Variants in BRCA2 observed in about 807,000 individuals in gnomAD.
BRCA2 encodes BRCA2 DNA repair associated.
A neutral mutation model predicts 276.7 loss-of-function variants in BRCA2; 203 were observed. The ratio of observed to expected loss-of-function variants is 0.73; its 90% CI spans 0.65 to 0.82. The LOEUF (loss-of-function observed/expected upper bound fraction) is 0.82, where lower values mean the gene tolerates loss of function less well. Among genes scored for constraint, BRCA2 ranks in the 40% least tolerant of loss-of-function variants. BRCA2 has a pLI of 0.00. For missense variants in BRCA2, 3,920 were observed against 3,915.0 expected, an observed-to-expected ratio of 1.00 and a Z score of -0.03; for synonymous variants, 1,289 against 1,338.4, an observed-to-expected ratio of 0.96 and a Z score of 0.81.
Position 32,376,974 on chromosome 13 carries a change from A to C in BRCA2, c.8754+183A>C, listed in dbSNP as rs3764791. ...AGTGTGGTGGTATGTTTTCAACTAT[A>C]TACCGAGTAGAGGATGGGAGGGTTC... On this transcript the variant is annotated intron_variant, in intron 21 of 26. Transcript: ENST00000380152. 0.2 allele frequency among the ~76,000 whole-genome samples: 30,845 copies of C among 152,062 alleles called. 3,269 individuals carry two copies. The highest frequency in any genetic ancestry group is 0.39 in the East Asian group (2,026 of 5,152).
intron 24 of BRCA2, among the ~76,000 whole-genome samples, chr13:32,388,027 T>C (rs2072972722): frequency 6.6e-6 from 1 of 152,152 alleles, no homozygotes; most frequent in South Asian, 2.1e-4. Context: ...TTTATCTCTT[T>C]GTCTTGTGTC....
At chr13:32,347,243 C>A (rs1307769803) in intron 13 of BRCA2, among the ~76,000 whole-genome samples, 1 of 151,626 alleles carries the variant, frequency 6.6e-6, no homozygotes, top group Non-Finnish European at 1.5e-5. Flanking sequence ...TAAAAAAGTA[C>A]TAAGATAGTT....
intron 13 of BRCA2, among the ~76,000 whole-genome samples, chr13:32,347,512 G>A (rs1433248603): frequency 6.6e-6 from 1 of 152,182 alleles, no homozygotes; most frequent in Non-Finnish European, 1.5e-5. Context: ...CAAATAGGCG[G>A]TTATCCTTCT....
At chr13:32,357,508 G>A (rs2072705808) in intron 15 of BRCA2, among the ~76,000 whole-genome samples, 2 of 152,204 alleles carry the variant, frequency 1.3e-5, no homozygotes, top group Admixed American at 1.3e-4. Flanking sequence ...TTTAGCAGGA[G>A]GCGTATAAAC....
chr13:32,327,157 C>T (rs2072355891), intron 7 of BRCA2, among the ~76,000 whole-genome samples: 1 of 152,124 alleles, frequency 6.6e-6, no homozygotes, highest in African/African-American at 2.4e-5. Context: ...AGAAATATTT[C>T]CTATTGTAGG....
At chr13:32,322,486 G>GGGAAATAAAA (rs1367964810) in intron 3 of BRCA2, among the ~76,000 whole-genome samples, 28 of 152,326 alleles carry the variant, frequency 1.8e-4, no homozygotes, top group Non-Finnish European at 2.4e-4. Context: ...CGAAGTAAAG[G>GGGAAATAAAA]GATGGGTCTG....
intron 24 of BRCA2, among the ~76,000 whole-genome samples, chr13:32,382,704 G>A (rs1734490959): frequency 6.6e-6 from 1 of 152,184 alleles, no homozygotes; most frequent in South Asian, 2.1e-4. Context: ...GCCAGAAGGG[G>A]AATCAGGATC....
In BRCA2 at chr13:32,339,312, A is replaced by G. The variant is rs587782186; in HGVS notation, c.4957A>G (p.Thr1653Ala). The G allele has an allele frequency of 2.1e-5, 33 of 1,602,934 alleles. No individual in the cohort carries two copies. The highest frequency in any genetic ancestry group is 2.7e-5 in the Non-Finnish European group (32 of 1,176,188). Reference sequence around the variant, plus strand: ...AAAAGAAACAGCAAAAAGTCCTGCAACTTGTTACACAAATCAGTCCCCTTA... The same window carrying G: ...AAAAGAAACAGCAAAAAGTCCTGCAGCTTGTTACACAAATCAGTCCCCTTA... ...VEKETAKSPA[T>A]CYTNQSPYSV... Residue 1653 changes from threonine (T) to alanine (A), a missense_variant, in exon 11 of 27, where the codon ACT (threonine) becomes GCT (alanine). This residue lies in a region of BRCA2 where 3,263 missense variants were observed against 3,156.9 expected (regional missense o/e 1.03). Transcript: ENST00000380152.
At chr13:32,335,527 G>A (rs1310270952) in intron 10 of BRCA2, among the ~76,000 whole-genome samples, 1 of 151,834 alleles carries the variant, frequency 6.6e-6, no homozygotes, top group Non-Finnish European at 1.5e-5. Flanking sequence ...AAAAATTGTG[G>A]TTTTGTTTTT....
chr13:32,326,441 A>G, intron 6 of BRCA2, 58 bp from the exon 7 acceptor site: 37 of 1,479,218 alleles, frequency 2.5e-5, no homozygotes, highest in Non-Finnish European at 3.5e-5. Flanking sequence ...ATGAAAAAAT[A>G]ATATCCTTAA....
At chr13:32,358,473 T>C (rs1447784466) in intron 16 of BRCA2, among the ~76,000 whole-genome samples, 16 of 118,516 alleles carry the variant, frequency 1.4e-4, no homozygotes, top group Admixed American at 1.9e-4. Flanking sequence ...TGAGACTCCA[T>C]CTCAAAAAAA....
At chr13:32,333,440 G>A (rs990063846) in intron 10 of BRCA2, 53 bp downstream of exon 10, 27 of 1,550,730 alleles carry the variant, frequency 1.7e-5, no homozygotes, top group Non-Finnish European at 2.3e-5. Context: ...TATAGATGAC[G>A]ATTCCTTCTG....
intron 11 of BRCA2, among the ~76,000 whole-genome samples, chr13:32,343,173 T>C (rs1473700550): frequency 1.3e-5 from 2 of 152,224 alleles, no homozygotes; most frequent in African/African-American, 4.8e-5. Context: ...ACCTTATACA[T>C]ACCTATATTA....
chr13:32,329,377 C>A, intron 7 of BRCA2, 66 bp from the exon 8 acceptor site: 1 of 1,164,376 alleles, frequency 8.6e-7, no homozygotes, highest in Admixed American at 2.0e-5. Context: ...TTTTTGATGT[C>A]TGACAAAAAA....
rs2137489631 is a variant in BRCA2 at position 32,337,115 on chromosome 13, C to A, written c.2760C>A (p.Pro920=). ...CAGACTTGACTTGTGTAAACGAACCCATTTTCAAGAACTCTACCATGGTTT... is the reference window on the plus strand; with the variant it reads ...CAGACTTGACTTGTGTAAACGAACCAATTTTCAAGAACTCTACCATGGTTT... The part of the protein sequence containing the change: ...HETDLTCVNE[P]IFKNSTMVLY... The change falls in exon 11 of 27, where the codon CCC becomes CCA. Residue 920 remains proline (P), a synonymous_variant. Coordinates refer to ENST00000380152, the MANE Select transcript of BRCA2 (RefSeq NM_000059.4). 4 of 1,613,770 alleles carry A rather than the reference C, an allele frequency of 2.5e-6. No homozygotes were observed. In the South Asian group the frequency reaches 3.3e-5, roughly 13 times the overall value.
chr13:32,376,529 A>C, intron 20 of BRCA2, 141 bp from the exon 21 acceptor site: 1 of 994,196 alleles, frequency 1.0e-6, no homozygotes, highest in Non-Finnish European at 1.5e-6. Flanking sequence ...CTCAAAAAAA[A>C]AAAAAAGAAA....
intron 13 of BRCA2, among the ~76,000 whole-genome samples, chr13:32,349,598 C>T (rs1426715920): frequency 3.3e-5 from 5 of 151,798 alleles, no homozygotes; most frequent in African/African-American, 1.2e-4. Flanking sequence ...GGTGAATCAC[C>T]TGAGGTCAGG....
At chr13:32,341,742 C>T (rs1404203119) in intron 11 of BRCA2, among the ~76,000 whole-genome samples, 2 of 151,176 alleles carry the variant, frequency 1.3e-5, no homozygotes, top group Non-Finnish European at 3.0e-5. Flanking sequence ...GTGGCGGGCG[C>T]CTGTAGTCCC....
At chr13:32,385,453 T>TA (rs1311605461) in intron 24 of BRCA2, 2 of 212,814 alleles carry the variant, frequency 9.4e-6, no homozygotes, top group African/African-American at 4.6e-5. Context: ...CTTCTCTTCT[T>TA]ACTGAAGAGA....
Sources: gnomAD v4.1 joint callset for allele counts (sites outside exome capture counted in the v4.1 genomes callset) on GRCh38, gnomAD v4.1.1 for gene constraint, gnomAD v4.1.1 regional missense constraint, MANE v1.5 for transcripts, NCBI Gene and HGNC (gene_info 2026-07-23, HGNC 2026-07-21) for gene names.